The following NEGR1 variants were observed in gnomAD, a reference collection of about 807,000 sequenced individuals.
NEGR1 encodes the protein neuronal growth regulator 1.
A neutral mutation model predicts 40.9 loss-of-function variants in NEGR1; 10 were observed. The ratio of observed to expected loss-of-function variants is 0.24; its 90% CI spans 0.15 to 0.42. The LOEUF is 0.42. Ranked by LOEUF, NEGR1 falls within the 10% of genes least tolerant of loss-of-function variation. NEGR1 has a pLI of 1.00. For missense variants in NEGR1, 352 were observed against 438.9 expected, an observed-to-expected ratio of 0.80 and a Z score of 1.77; for synonymous variants, 185 against 166.8, an observed-to-expected ratio of 1.11 and a Z score of -0.84.
At chr1:71,536,923 C>T (rs1430916071) in intron 6 of NEGR1, among the ~76,000 whole-genome samples, 1 of 151,592 alleles carries the variant, frequency 6.6e-6, no homozygotes, top group Non-Finnish European at 1.5e-5. Flanking sequence ...TATTTTATTA[C>T]TGAGAAAATA....
intron 6 of NEGR1, among the ~76,000 whole-genome samples, chr1:71,545,817 A>T (rs1647876318): frequency 1.3e-5 from 2 of 151,580 alleles, no homozygotes; most frequent in African/African-American, 4.8e-5. Context: ...GTGAGGATGG[A>T]ATTTCTCTCT....
chr1:72,047,306 T>C (rs1298342039), intron 1 of NEGR1, among the ~76,000 whole-genome samples: 1 of 151,422 alleles, frequency 6.6e-6, no homozygotes, highest in Non-Finnish European at 1.5e-5. Flanking sequence ...GAGTCTCCTG[T>C]CATGCAGCAT....
At chr1:71,669,286 CA>C (rs1652338746) in intron 4 of NEGR1, among the ~76,000 whole-genome samples, 4 of 151,940 alleles carry the variant, frequency 2.6e-5, no homozygotes, top group South Asian at 2.1e-4. Context: ...TGTGTCTGGA[CA>C]GTCTTTTAAT....
chr1:72,204,699 T>C (rs540098815), intron 1 of NEGR1, among the ~76,000 whole-genome samples: 4 of 148,892 alleles, frequency 2.7e-5, no homozygotes, highest in African/African-American at 7.2e-5. Context: ...AAGGCAGTGT[T>C]AATGAGCCTT....
chr1:72,139,120 A>G (rs1044433268), intron 1 of NEGR1, among the ~76,000 whole-genome samples: 3 of 151,554 alleles, frequency 2.0e-5, no homozygotes, highest in Non-Finnish European at 4.4e-5. Flanking sequence ...ATCAAAGGTG[A>G]ATTACAAATG....
chr1:72,176,770 G>C (rs1652182698), intron 1 of NEGR1, among the ~76,000 whole-genome samples: 2 of 152,008 alleles, frequency 1.3e-5, no homozygotes, highest in South Asian at 4.1e-4. Flanking sequence ...AACAAATCAT[G>C]GGAAGCCTCT....
intron 1 of NEGR1, among the ~76,000 whole-genome samples, chr1:72,095,078 C>T (rs1477943384): frequency 3.9e-5 from 6 of 152,026 alleles, no homozygotes; most frequent in Non-Finnish European, 8.8e-5. Flanking sequence ...GAAATCTTAC[C>T]GCCTAAACAG....
chr1:71,927,697 T>C (rs1436256597), intron 2 of NEGR1, among the ~76,000 whole-genome samples: 1 of 151,208 alleles, frequency 6.6e-6, no homozygotes, highest in Non-Finnish European at 1.5e-5. Flanking sequence ...ATGGTAGTCC[T>C]GGCCAGGCGT....
chr1:71,411,470 G>A (rs1483287140), intron 6 of NEGR1, among the ~76,000 whole-genome samples: 2 of 152,156 alleles, frequency 1.3e-5, no homozygotes, highest in Non-Finnish European at 2.9e-5. Context: ...CTCTGGGATG[G>A]CCAGACCTGT....
intron 4 of NEGR1, among the ~76,000 whole-genome samples, chr1:71,641,868 A>G (rs1651364772): frequency 6.6e-6 from 1 of 152,042 alleles, no homozygotes; most frequent in Non-Finnish European, 1.5e-5. Flanking sequence ...AGTGACAAGA[A>G]TGACATCTTG....
intron 2 of NEGR1, among the ~76,000 whole-genome samples, chr1:71,833,362 CACTA>C (rs1658904287): frequency 6.6e-6 from 1 of 151,928 alleles, no homozygotes; most frequent in African/African-American, 2.4e-5. Context: ...AGGGAAATAC[CACTA>C]ACTACTATCA....
chr1:71,638,978 A>G (rs1363135173), intron 4 of NEGR1, among the ~76,000 whole-genome samples: 1 of 151,414 alleles, frequency 6.6e-6, no homozygotes, highest in Non-Finnish European at 1.5e-5. Flanking sequence ...CACAAGGAGG[A>G]AGAATAAAAT....
intron 1 of NEGR1, among the ~76,000 whole-genome samples, chr1:72,004,727 C>A (rs1318957659): frequency 1.3e-5 from 2 of 152,126 alleles, no homozygotes; most frequent in African/African-American, 4.8e-5. Context: ...TAACTATTAT[C>A]TTCGTTTTTA....
At chr1:71,725,571 G>A (rs922111742) in intron 3 of NEGR1, among the ~76,000 whole-genome samples, 2 of 151,924 alleles carry the variant, frequency 1.3e-5, no homozygotes, top group African/African-American at 4.8e-5. Flanking sequence ...TCTATTTTAA[G>A]CAACTGTTAT....
At chr1:71,799,270 C>T (rs533070262) in intron 2 of NEGR1, among the ~76,000 whole-genome samples, 1 of 152,246 alleles carries the variant, frequency 6.6e-6, no homozygotes, top group Admixed American at 6.5e-5. Context: ...GTTCAACTCC[C>T]ACTTATGAGG....
At chr1:71,466,369 C>T (rs1392138610) in intron 6 of NEGR1, among the ~76,000 whole-genome samples, 1 of 151,886 alleles carries the variant, frequency 6.6e-6, no homozygotes, top group Non-Finnish European at 1.5e-5. Context: ...TGCTGGAGGC[C>T]CTGGACAGGC....
At chr1:71,487,151 C>G (rs1352734370) in intron 6 of NEGR1, 1 of 151,600 alleles carries the variant, frequency 6.6e-6, no homozygotes, top group Non-Finnish European at 1.5e-5. Flanking sequence ...GACCACATCA[C>G]ATTTTTAAGA....
intron 3 of NEGR1, among the ~76,000 whole-genome samples, chr1:71,732,397 T>C (rs1654905223): frequency 6.6e-6 from 1 of 152,138 alleles, no homozygotes; most frequent in South Asian, 2.1e-4. Context: ...ATCTTGATTT[T>C]CTATCATGGA....
intron 2 of NEGR1, among the ~76,000 whole-genome samples, chr1:71,868,245 T>C (rs1412871364): frequency 1.3e-5 from 2 of 152,200 alleles, no homozygotes; most frequent in East Asian, 3.9e-4. Context: ...TGAAAGTAAC[T>C]ACAATACATG....
Sources: gnomAD v4.1 joint callset for allele counts (sites outside exome capture counted in the v4.1 genomes callset) on GRCh38, gnomAD v4.1.1 for gene constraint, MANE v1.5 for transcripts, NCBI Gene and HGNC (gene_info 2026-07-23, HGNC 2026-07-21) for gene names.